The following NPC1 variants were observed in gnomAD, a reference collection of about 807,000 sequenced individuals.
The protein encoded by NPC1 is NPC intracellular cholesterol transporter 1, also known as Niemann-Pick C1 protein.
In NPC1, 85 loss-of-function variants were observed where a neutral mutation model predicts 140.4. The ratio of observed to expected loss-of-function variants is 0.61; its 90% CI spans 0.51 to 0.72. NPC1 has a LOEUF of 0.72. Ranked by LOEUF, NPC1 falls within the 30% of genes least tolerant of loss-of-function variation. The probability of loss-of-function intolerance (pLI) is 0.00; values close to 1 mark genes in which losing one functional copy is unlikely to be tolerated. For synonymous variants in NPC1, 656 were observed against 624.8 expected (o/e 1.05, Z -0.74); for missense variants, 1,504 against 1,623.8 (o/e 0.93, Z 1.27).
At chr18:23,567,145 C>T (rs966218757) in intron 4 of NPC1, among the ~76,000 whole-genome samples, 2 of 152,172 alleles carry the variant, frequency 1.3e-5, no homozygotes, top group African/African-American at 4.8e-5. Context: ...TACAAATATC[C>T]ACGTGCAGGT....
intron 1 of NPC1, among the ~76,000 whole-genome samples, chr18:23,579,246 G>A (rs1020056634): frequency 5.3e-5 from 8 of 152,298 alleles, no homozygotes; most frequent in African/African-American, 1.7e-4. Flanking sequence ...TCTCACTTTT[G>A]TCTCAACTCC....
intron 10 of NPC1, among the ~76,000 whole-genome samples, chr18:23,550,481 T>TTTC (rs1437136226): frequency 1.0e-5 from 1 of 96,726 alleles, no homozygotes; most frequent in Non-Finnish European, 2.0e-5. Flanking sequence ...TTACATTTCT[T>TTTC]TTTTTTTTTT....
In NPC1 at chr18:23,548,119, A is replaced by G. The variant is rs574021301; in HGVS notation, c.1655-11T>C. ...TATTGTAGTTTTGATCTAGAAAGGA[A>G]AAATGTGACATCAAAAAGCAGATTA... On this transcript the variant is annotated splice_polypyrimidine_tract_variant and intron_variant, in intron 10 of 24. Coordinates refer to ENST00000269228, the MANE Select transcript of NPC1 (RefSeq NM_000271.5). 1.1e-5 allele frequency: 16 copies of G among 1,505,752 alleles called. No homozygotes were observed. The African/African-American group carries it at 2.2e-4, about 21-fold the overall frequency. The allele number at this position is 1,505,752 out of a possible 1,614,324, so 93.3% of individuals were successfully genotyped here.
chr18:23,557,760 C>T (rs1215433780), intron 6 of NPC1, among the ~76,000 whole-genome samples: 1 of 146,654 alleles, frequency 6.8e-6, no homozygotes, highest in African/African-American at 2.5e-5. Flanking sequence ...AACAAACAAA[C>T]AAAAACATGC....
downstream of NPC1, chr18:23,529,720 C>T: frequency 6.2e-7 from 1 of 1,607,926 alleles, no homozygotes; most frequent in African/African-American, 1.3e-5. Context: ...CAGGTACCTT[C>T]AAATCATCTG....
chr18:23,534,401 T>C, intron 23 of NPC1, 45 bp downstream of exon 23: 1 of 1,285,302 alleles, frequency 7.8e-7, no homozygotes, highest in Non-Finnish European at 1.1e-6. Flanking sequence ...GGAGGATTAC[T>C]TTGTGGTGCG....
downstream of NPC1, chr18:23,531,431 G>GT (rs1273038008): frequency 1.7e-6 from 2 of 1,193,530 alleles, no homozygotes; most frequent in Non-Finnish European, 2.2e-6. Context: ...ATAAGGACAG[G>GT]TTAGATAGAA....
At position 23,507,191 on chromosome 18, in the gene NPC1, T is replaced by TAA. The variant is rs1267189521; in HGVS notation, c.432-550_432-549insTT. On this transcript the variant is annotated intron_variant, in intron 3 of 3. Transcript: ENST00000591107. The stretch of plus-strand genomic sequence containing the variant: ...AAAGGTATAGTTATGTTGCATTGTA[T>TAA]TAGAGCCTTCAAAAACGAAAAAGAC... The TAA allele has an allele frequency of 9.8e-6, 5 of 509,540 alleles. No individual in the cohort carries two copies. The African/African-American group carries it at 1.0e-4, about 10-fold the overall frequency. 31.6% of individuals were successfully genotyped at this position (509,540 alleles called of 1,614,324 possible).
chr18:23,507,328 C>CGGCTCACTGCAGCCTCGATCTCTCA lies in NPC1; in HGVS notation c.432-711_432-687dup. Among the ~76,000 whole-genome samples the CGGCTCACTGCAGCCTCGATCTCTCA allele has an allele frequency of 2.0e-5, 3 of 152,198 alleles. No individual in the cohort carries two copies. In the South Asian group the frequency reaches 6.2e-4, roughly 32 times the overall value. The stretch of plus-strand genomic sequence containing the variant: ...AGGCTGGAGTGCAGTGATGTGATCT[C>CGGCTCACTGCAGCCTCGATCTCTCA]GGCTCACTGCAGCCTCGATCTCTCA... On this transcript the variant is annotated intron_variant, in intron 3 of 3. Coordinates refer to the NPC1 transcript ENST00000591107.
intron 4 of NPC1, among the ~76,000 whole-genome samples, chr18:23,565,191 A>G (rs887450188): frequency 6.6e-6 from 1 of 152,214 alleles, no homozygotes; most frequent in Non-Finnish European, 1.5e-5. Flanking sequence ...ATTTCCACAA[A>G]GAAGTCAGTT....
downstream of NPC1, chr18:23,531,438 AG>A (rs2058501788): frequency 2.4e-6 from 3 of 1,244,322 alleles, no homozygotes; most frequent in Non-Finnish European, 3.2e-6. Context: ...CAGGTTAGAT[AG>A]AATCTCTTCC....
At chr18:23,506,938 T>G (rs1420921167) in intron 3 of NPC1, 1 of 1,477,658 alleles carries the variant, frequency 6.8e-7, no homozygotes, top group Non-Finnish European at 9.4e-7. Flanking sequence ...AATTCGGTTA[T>G]TTAACTACTA....
intron 20 of NPC1, among the ~76,000 whole-genome samples, chr18:23,537,813 AG>A (rs2058654321): frequency 6.6e-6 from 1 of 152,226 alleles, no homozygotes; most frequent in Non-Finnish European, 1.5e-5. Flanking sequence ...AACTTTTAGG[AG>A]GAGTCATCCC....
intron 21 of NPC1, among the ~76,000 whole-genome samples, chr18:23,536,066 C>T (rs2058626231): frequency 6.6e-6 from 1 of 152,200 alleles, no homozygotes; most frequent in Non-Finnish European, 1.5e-5. Context: ...GGGGTCCGTG[C>T]AAGGCCTGAG....
chr18:23,508,781 G>A (rs921671544), intron 3 of NPC1: 7 of 152,400 alleles, frequency 4.6e-5, no homozygotes, highest in African/African-American at 1.7e-4. Flanking sequence ...AGTCGGGTGT[G>A]TGTCTCAGGG....
rs763680535 is a variant in NPC1 at position 23,554,763 on chromosome 18, G to A, written c.1548C>T (p.Cys516=). Reference sequence around the variant, plus strand: ...GATTGTCTCTTGCCACTTACCGTACGCAGTACAGAAAGTGCGTGTGGTAAT... The same window carrying A: ...GATTGTCTCTTGCCACTTACCGTACACAGTACAGAAAGTGCGTGTGGTAAT... ...YADYHTHFLY[C]VRAPASLNDT... Residue 516 remains cysteine (C), a synonymous_variant, in exon 9 of 25, where the codon TGC becomes TGT. Transcript: ENST00000269228. 30 of 1,611,518 alleles carry A rather than the reference G, an allele frequency of 1.9e-5. No individual in the cohort carries two copies. The highest frequency in any genetic ancestry group is 2.3e-5 in the Non-Finnish European group (27 of 1,177,762).
At chr18:23,571,477 T>G (rs1287389819) in intron 3 of NPC1, among the ~76,000 whole-genome samples, 2 of 151,892 alleles carry the variant, frequency 1.3e-5, no homozygotes, top group African/African-American at 4.8e-5. Context: ...GCCAACATGG[T>G]GAAACCCCAC....
exon 4 of NPC1, chr18:23,506,621 A>G (rs1344530644): frequency 3.9e-6 from 1 of 258,206 alleles, no homozygotes; most frequent in Non-Finnish European, 7.5e-6. Context: ...GCACAAGTAG[A>G]TAGTTCTTTC....
chr18:23,539,961 TACTG>T lies in NPC1; in HGVS notation c.2641_2644del (p.Gln881ThrfsTer54), dbSNP rs2058689477. ...GTACACAGGCGGACCCGCATGCAGG[TACTG>T]ACTGATGGATTTGAAATAATCCACC... On this transcript the variant is annotated frameshift_variant, in exon 18 of 25. Transcript: ENST00000269228. LOFTEE classifies it high-confidence loss of function. 6.2e-7 allele frequency: 1 copy of T among 1,614,204 alleles called. No individual in the cohort carries two copies. The highest frequency in any genetic ancestry group is 2.2e-5 in the East Asian group (1 of 44,892).
Sources: allele counts gnomAD v4.1 joint callset (sites outside exome capture counted in the v4.1 genomes callset), GRCh38; gene constraint gnomAD v4.1.1; transcripts MANE v1.5; gene names NCBI Gene and HGNC (gene_info 2026-07-23, HGNC 2026-07-21).